The following NOP58 variants were observed in gnomAD, a reference collection of about 807,000 sequenced individuals.
NOP58 encodes the protein nucleolar protein 58.
A neutral mutation model predicts 71.2 loss-of-function variants in NOP58; 44 were observed. The ratio of observed to expected loss-of-function variants is 0.62; its 90% CI spans 0.49 to 0.79. The LOEUF (loss-of-function observed/expected upper bound fraction) is 0.79, where lower values mean the gene tolerates loss of function less well. Among genes scored for constraint, NOP58 ranks in the 30% least tolerant of loss-of-function variants. The pLI, the probability that NOP58 is intolerant of heterozygous loss-of-function variation, is 0.00. For synonymous variants in NOP58, 228 were observed against 200.3 expected (o/e 1.14, Z -1.17); for missense variants, 538 against 620.2 (o/e 0.87, Z 1.41).
intron 13 of NOP58, among the ~76,000 whole-genome samples, chr2:202,301,804 C>G (rs1689097792): frequency 6.6e-6 from 1 of 152,168 alleles, no homozygotes; most frequent in South Asian, 2.1e-4. Flanking sequence ...CTCACCTCTT[C>G]TAGGTGTTTG....
intron 14 of NOP58, 112 bp from the exon 15 acceptor site, chr2:202,303,274 T>C: frequency 2.7e-6 from 4 of 1,480,226 alleles, no homozygotes; most frequent in South Asian, 1.4e-5. Flanking sequence ...AGGGGAGGAG[T>C]ATGATTTGCT....
chr2:202,287,525 C>T, intron 5 of NOP58, 135 bp from the exon 6 acceptor site: 5 of 581,246 alleles, frequency 8.6e-6, no homozygotes, highest in South Asian at 6.7e-5. Flanking sequence ...GATTTTTCTT[C>T]TTAGAAAAAC....
At chr2:202,293,426 T>G (rs2105852687) in intron 9 of NOP58, among the ~76,000 whole-genome samples, 1 of 152,256 alleles carries the variant, frequency 6.6e-6, no homozygotes, top group African/African-American at 2.4e-5. Flanking sequence ...TATGGCAGTA[T>G]TATAAGGATG....
At chr2:202,270,050 T>G (rs1688491869) in intron 1 of NOP58, among the ~76,000 whole-genome samples, 2 of 152,240 alleles carry the variant, frequency 1.3e-5, no homozygotes, top group African/African-American at 4.8e-5. Flanking sequence ...ATATAAAACC[T>G]AAGTACTGAG....
chr2:202,282,504 T>TA, intron 4 of NOP58, 32 bp downstream of exon 4: 1 of 1,590,760 alleles, frequency 6.3e-7, no homozygotes, highest in Non-Finnish European at 8.5e-7. Flanking sequence ...TCATGCCTGC[T>TA]AGTCAGATCT....
Position 202,265,764 on chromosome 2 carries a change from T to A in NOP58, c.-178T>A. The A allele has an allele frequency of 1.6e-6, 1 of 622,876 alleles. No homozygotes were observed. The highest frequency in any genetic ancestry group is 2.8e-6 in the Non-Finnish European group (1 of 353,280). 38.6% of individuals were successfully genotyped at this position (622,876 alleles called of 1,614,324 possible). On this transcript the variant is annotated 5_prime_UTR_variant, in exon 1 of 15. Coordinates refer to ENST00000264279, the MANE Select transcript of NOP58 (RefSeq NM_015934.5). ...GAAGGAGTAGCGCGTTCGTGCGTCCTAGTTCCAGTACAGCGTGGAGGGTTT... is the reference window on the plus strand; with the variant it reads ...GAAGGAGTAGCGCGTTCGTGCGTCCAAGTTCCAGTACAGCGTGGAGGGTTT...
intron 11 of NOP58, 58 bp from the exon 12 acceptor site, chr2:202,297,787 G>T: frequency 9.7e-7 from 1 of 1,029,050 alleles, no homozygotes. Context: ...ACTGTATAGT[G>T]TATTATAAAG....
intron 8 of NOP58, among the ~76,000 whole-genome samples, chr2:202,291,675 C>T (rs1308163901): frequency 3.3e-5 from 5 of 151,610 alleles, no homozygotes; most frequent in Non-Finnish European, 7.4e-5. Context: ...CGCGTGGTGG[C>T]GTACACCTGT....
intron 6 of NOP58, 30 bp from the exon 7 acceptor site, chr2:202,290,292 GT>G (rs11310035): frequency 0.26 from 402,363 of 1,548,064 alleles, 58,107 homozygotes; most frequent in African/African-American, 0.54. Context: ...ATCCCTTTAA[GT>G]TTTGTTTGTT....
At chr2:202,278,639 T>C (rs1688644781) in intron 3 of NOP58, among the ~76,000 whole-genome samples, 2 of 152,180 alleles carry the variant, frequency 1.3e-5, no homozygotes, top group South Asian at 4.1e-4. Context: ...TTTTTAAGTG[T>C]TAGGGAAAAC....
In NOP58 at chr2:202,302,955, A is replaced by C. The variant is rs1471477134; in HGVS notation, c.1437A>C (p.Glu479Asp). 3 of 1,608,208 alleles carry C rather than the reference A, an allele frequency of 1.9e-6. No individual in the cohort carries two copies. In the African/African-American group the frequency reaches 4.0e-5, roughly 21 times the overall value. ...EEEEEEKVAE[E>D]EETSVKKKKK... is the part of the protein sequence containing the mutation. ...AGGAAGAAGAAAAAGTGGCAGAAGA[A>C]GAAGAAACATCTGTGAAGAAGAAGA... The change falls in exon 14 of 15, where the codon GAA (glutamate) becomes GAC (aspartate). Residue 479 changes from glutamate (E) to aspartate (D), a missense_variant. Coordinates refer to ENST00000264279, the MANE Select transcript of NOP58 (RefSeq NM_015934.5).
chr2:202,296,532 ATC>A (rs1356015832), intron 10 of NOP58, among the ~76,000 whole-genome samples: 2 of 152,234 alleles, frequency 1.3e-5, no homozygotes, highest in South Asian at 2.1e-4. Context: ...AGATGTAGGT[ATC>A]TCTATCTTGC....
chr2:202,276,130 G>C (rs547599733), intron 2 of NOP58, among the ~76,000 whole-genome samples: 126 of 152,196 alleles, frequency 8.3e-4, no homozygotes, highest in Non-Finnish European at 1.5e-3. Flanking sequence ...TTTGAGGTCA[G>C]GAGCTCGAGA....
At chr2:202,273,863 A>G (rs1330812861) in intron 1 of NOP58, among the ~76,000 whole-genome samples, 1 of 151,856 alleles carries the variant, frequency 6.6e-6, no homozygotes, top group African/African-American at 2.4e-5. Flanking sequence ...GAATCGCTTG[A>G]ACCCGGGAGG....
At chr2:202,294,300 A>ATTGC (rs1559266117) in intron 9 of NOP58, among the ~76,000 whole-genome samples, 1 of 144,250 alleles carries the variant, frequency 6.9e-6, no homozygotes, top group Non-Finnish European at 1.5e-5. Context: ...CAGTGGTGAC[A>ATTGC]TTGCTTGCCT....
intron 6 of NOP58, among the ~76,000 whole-genome samples, 177 bp downstream of exon 6, chr2:202,287,901 A>C (rs1289901664): frequency 6.6e-6 from 1 of 151,842 alleles, no homozygotes; most frequent in Non-Finnish European, 1.5e-5. Flanking sequence ...ACCTGAGGTC[A>C]GGAGTTCAAG....
At position 202,295,791 on chromosome 2, in the gene NOP58, A is replaced by C. The variant is rs1688978254; in HGVS notation, c.1025A>C (p.Tyr342Ser). 1 of 1,607,072 alleles carries C rather than the reference A, an allele frequency of 6.2e-7. No homozygotes were observed. The highest frequency in any genetic ancestry group is 8.5e-7 in the Non-Finnish European group (1 of 1,177,480). ...GATACCCCTAAGTATGGTCTCATTT[A>C]TCATGCTTCACTCGTGGGCCAGACA... ...RRDTPKYGLIYHASLVGQTSP... is the reference protein window; with the variant it reads ...RRDTPKYGLISHASLVGQTSP... The change falls in exon 10 of 15, where the codon TAT becomes TCT. Residue 342 changes from tyrosine (Y) to serine (S), a missense_variant. Transcript: ENST00000264279.
chr2:202,296,925 G>A (rs984313608), intron 10 of NOP58, among the ~76,000 whole-genome samples: 1 of 151,902 alleles, frequency 6.6e-6, no homozygotes. Context: ...AGTAGAGACA[G>A]GGTTTCACCG....
At chr2:202,281,069 T>G (rs1181027414) in intron 3 of NOP58, among the ~76,000 whole-genome samples, 1 of 152,080 alleles carries the variant, frequency 6.6e-6, no homozygotes, top group Non-Finnish European at 1.5e-5. Context: ...AAGCACAAAC[T>G]GCCTGACCTT....
Sources: gnomAD v4.1 joint callset for allele counts (sites outside exome capture counted in the v4.1 genomes callset) on GRCh38, gnomAD v4.1.1 for gene constraint, MANE v1.5 for transcripts, NCBI Gene and HGNC (gene_info 2026-07-23, HGNC 2026-07-21) for gene names.